CCSER1: variants seen among roughly 807,000 people sequenced by gnomAD.
The protein encoded by CCSER1 is serine-rich coiled-coil domain-containing protein 1.
Under a neutral mutation model 82.0 loss-of-function variants are expected in CCSER1, and 41 were observed. That is an observed-to-expected ratio of 0.50 (90% CI 0.39 to 0.65). CCSER1 has a LOEUF of 0.65. Ranked by LOEUF, CCSER1 falls within the 30% of genes least tolerant of loss-of-function variation. CCSER1 has a pLI of 0.00. For synonymous variants in CCSER1, 414 were observed against 383.9 expected, an observed-to-expected ratio of 1.08 and a Z score of -0.92; for missense variants, 1,119 against 1,064.2, an observed-to-expected ratio of 1.05 and a Z score of -0.72.
chr4:90,689,877 A>G (rs572817491), intron 6 of CCSER1, among the ~76,000 whole-genome samples: 8 of 152,188 alleles, frequency 5.3e-5, no homozygotes, highest in African/African-American at 1.9e-4. Flanking sequence ...GTTAGCCAGG[A>G]TGGGAGGCAG....
At chr4:90,873,186 C>A (rs144265584) in intron 8 of CCSER1, among the ~76,000 whole-genome samples, 4 of 151,924 alleles carry the variant, frequency 2.6e-5, no homozygotes, top group Non-Finnish European at 5.9e-5. Flanking sequence ...CTGTCTCTAC[C>A]TCTTCTTTAG....
chr4:91,319,228 A>C (rs1746029410), intron 10 of CCSER1: 1 of 185,006 alleles, frequency 5.4e-6, no homozygotes, highest in South Asian at 8.9e-5. Flanking sequence ...ATAAGTTAAA[A>C]AGCAAAATAA....
chr4:91,223,775 C>T (rs1461932802), intron 10 of CCSER1, among the ~76,000 whole-genome samples: 1 of 152,006 alleles, frequency 6.6e-6, no homozygotes, highest in Non-Finnish European at 1.5e-5. Context: ...ATAAATCTGA[C>T]TGAGTTATAG....
intron 10 of CCSER1, among the ~76,000 whole-genome samples, chr4:91,098,230 C>G (rs1482876666): frequency 6.6e-6 from 1 of 152,056 alleles, no homozygotes; most frequent in East Asian, 1.9e-4. Context: ...TGCTAATAGA[C>G]TTGGATAGAC....
chr4:90,235,557 G>T (rs1745628971), intron 1 of CCSER1, among the ~76,000 whole-genome samples: 1 of 152,094 alleles, frequency 6.6e-6, no homozygotes, highest in African/African-American at 2.4e-5. Flanking sequence ...TAGTTTGAAA[G>T]AAATCACTCA....
chr4:90,932,980 AAG>A (rs771419830), intron 9 of CCSER1, among the ~76,000 whole-genome samples: 1,649 of 21,440 alleles, frequency 0.077, 346 homozygotes, highest in East Asian at 0.21. Flanking sequence ...GAAAGAAAGA[AAG>A]AGAAAGAAAG....
intron 10 of CCSER1, among the ~76,000 whole-genome samples, chr4:91,470,535 T>C (rs1382236621): frequency 1.3e-5 from 2 of 152,124 alleles, no homozygotes; most frequent in Admixed American, 1.3e-4. Flanking sequence ...TTTTTTGCTG[T>C]TGTTGTTAGA....
chr4:91,299,043 G>GCATTCTATGTTTAACAGGCTATGTTAAA (rs1391770584), intron 10 of CCSER1, among the ~76,000 whole-genome samples: 1 of 151,864 alleles, frequency 6.6e-6, no homozygotes, highest in Non-Finnish European at 1.5e-5. Flanking sequence ...GTGGGGTTCT[G>GCATTCTATGTTTAACAGGCTATGTTAAA]CATTCTATGT....
At chr4:91,582,503 A>G (rs1763780401) in intron 10 of CCSER1, among the ~76,000 whole-genome samples, 1 of 151,592 alleles carries the variant, frequency 6.6e-6, no homozygotes. Flanking sequence ...AATTTGTATA[A>G]TAAACTCAAG....
intron 6 of CCSER1, among the ~76,000 whole-genome samples, chr4:90,666,215 A>T (rs1158867969): frequency 6.6e-6 from 1 of 152,192 alleles, no homozygotes; most frequent in East Asian, 1.9e-4. Flanking sequence ...TTAAGTCTAC[A>T]CAGGGGATTC....
At chr4:91,388,059 C>T (rs1465669128) in intron 10 of CCSER1, among the ~76,000 whole-genome samples, 1 of 151,962 alleles carries the variant, frequency 6.6e-6, no homozygotes, top group African/African-American at 2.4e-5. Flanking sequence ...AGAAAAATAT[C>T]ATTATTGATC....
chr4:91,286,282 A>G (rs1209550024), intron 10 of CCSER1, among the ~76,000 whole-genome samples: 1 of 151,798 alleles, frequency 6.6e-6, no homozygotes, highest in Non-Finnish European at 1.5e-5. Context: ...ACAAATATGC[A>G]TTTATTTGTT....
chr4:91,414,630 G>T (rs932219202), intron 10 of CCSER1, among the ~76,000 whole-genome samples: 8 of 151,976 alleles, frequency 5.3e-5, no homozygotes, highest in Non-Finnish European at 1.2e-4. Flanking sequence ...GTGGCCAAAA[G>T]AATTTTACAG....
chr4:90,958,583 C>G (rs951375214), intron 9 of CCSER1, among the ~76,000 whole-genome samples: 1 of 152,010 alleles, frequency 6.6e-6, no homozygotes, highest in African/African-American at 2.4e-5. Flanking sequence ...GGCTGCAGCC[C>G]ACTTGCTAAC....
At chr4:90,227,686 A>G (rs1225668464) in intron 1 of CCSER1, among the ~76,000 whole-genome samples, 1 of 152,168 alleles carries the variant, frequency 6.6e-6, no homozygotes, top group Non-Finnish European at 1.5e-5. Flanking sequence ...AAGATGGGTG[A>G]TTTCTGCATT....
At chr4:90,472,081 G>A (rs2153591217) in intron 5 of CCSER1, among the ~76,000 whole-genome samples, 1 of 152,142 alleles carries the variant, frequency 6.6e-6, no homozygotes, top group Admixed American at 6.5e-5. Context: ...TTTAATTTTG[G>A]ATGGAATTAC....
intron 1 of CCSER1, among the ~76,000 whole-genome samples, chr4:90,242,799 T>G (rs948116222): frequency 2.6e-5 from 4 of 152,206 alleles, no homozygotes; most frequent in Non-Finnish European, 4.4e-5. Flanking sequence ...GGACCTGTTG[T>G]AAGTTTTAAA....
At position 91,411,527 on chromosome 4, in the gene CCSER1, A is replaced by T. The variant is rs532958196; in HGVS notation, c.2218-187045A>T. Among the ~76,000 whole-genome samples the T allele has an allele frequency of 4.7e-3, 217 of 45,722 alleles. 1 individual carries two copies. Among genetic ancestry groups the T allele is most frequent in the African/African-American group, 0.01 (134 of 13,304 alleles). 30.0% of individuals were successfully genotyped at this position (45,722 alleles called of 152,430 possible). A position where few individuals can be genotyped will look rare whatever the true frequency, so the allele number is the denominator to read the frequency against. On this transcript the variant is annotated intron_variant, in intron 10 of 10. Transcript: ENST00000509176. ...ATATATATATATATATATATATATA[A>T]AATCTTGACTAGTTAATATATTTAA...
At chr4:90,516,546 C>A (rs890062193) in intron 5 of CCSER1, among the ~76,000 whole-genome samples, 5 of 152,116 alleles carry the variant, frequency 3.3e-5, no homozygotes, top group African/African-American at 9.7e-5. Context: ...TCAGCTAGAG[C>A]AAATCCAAAT....
Sources: gnomAD v4.1 joint callset for allele counts (sites outside exome capture counted in the v4.1 genomes callset) on GRCh38, gnomAD v4.1.1 for gene constraint, MANE v1.5 for transcripts, NCBI Gene and HGNC (gene_info 2026-07-23, HGNC 2026-07-21) for gene names.